The following GAS2 variants were observed in gnomAD, a reference collection of about 807,000 sequenced individuals.
The protein encoded by GAS2 is growth arrest-specific protein 2.
Under a neutral mutation model 37.5 loss-of-function variants are expected in GAS2, and 20 were observed. The observed-to-expected ratio is 0.53, with a 90% CI of 0.37 to 0.77. The LOEUF is 0.77. Among genes scored for constraint, GAS2 ranks in the 30% least tolerant of loss-of-function variants. GAS2 has a pLI of 0.00. For synonymous variants in GAS2, 144 were observed against 132.2 expected, an observed-to-expected ratio of 1.09 and a Z score of -0.61; for missense variants, 336 against 373.4, an observed-to-expected ratio of 0.90 and a Z score of 0.82.
At chr11:22,712,832 T>A (rs1243451587) in intron 3 of GAS2, among the ~76,000 whole-genome samples, 1 of 151,808 alleles carries the variant, frequency 6.6e-6, no homozygotes, top group East Asian at 1.9e-4. Context: ...ATTCCAGCAC[T>A]TTAGGAGGCC....
At chr11:22,685,566 G>T in intron 2 of GAS2, 102 bp from the exon 3 acceptor site, 2 of 1,270,460 alleles carry the variant, frequency 1.6e-6, no homozygotes, top group Non-Finnish European at 2.2e-6. Context: ...ATGTAACTCA[G>T]CTAGAATAGC....
chr11:22,714,927 G>A (rs1271615002), intron 3 of GAS2, among the ~76,000 whole-genome samples: 1 of 152,094 alleles, frequency 6.6e-6, no homozygotes, highest in East Asian at 1.9e-4. Context: ...AACACAAATA[G>A]ACAATCTATG....
intron 1 of GAS2, among the ~76,000 whole-genome samples, chr11:22,637,843 G>A (rs536606822): frequency 1.7e-3 from 246 of 149,006 alleles, no homozygotes; most frequent in Middle Eastern, 7.0e-3. Context: ...GAAGCCCAAA[G>A]CTGCCACAGA....
At chr11:22,775,538 T>C (rs1855214820) in intron 7 of GAS2, among the ~76,000 whole-genome samples, 1 of 152,180 alleles carries the variant, frequency 6.6e-6, no homozygotes, top group Admixed American at 6.5e-5. Context: ...TTTCTGCTTG[T>C]TAATGAGTGG....
intron 3 of GAS2, among the ~76,000 whole-genome samples, chr11:22,692,102 T>C (rs1424253431): frequency 6.6e-6 from 1 of 152,140 alleles, no homozygotes; most frequent in African/African-American, 2.4e-5. Context: ...AGCTTGACTT[T>C]TATTTTTCAA....
At chr11:22,773,794 A>T (rs889762140) in intron 7 of GAS2, among the ~76,000 whole-genome samples, 2 of 151,842 alleles carry the variant, frequency 1.3e-5, no homozygotes, top group African/African-American at 4.8e-5. Context: ...TTTCAACATG[A>T]TCTCCTTCCT....
At chr11:22,743,815 T>C (rs1229339547) in intron 5 of GAS2, among the ~76,000 whole-genome samples, 1 of 151,944 alleles carries the variant, frequency 6.6e-6, no homozygotes, top group East Asian at 1.9e-4. Flanking sequence ...CTGAAGAAAA[T>C]TGAGACCCCA....
chr11:22,754,427 G>A (rs1009987337), intron 6 of GAS2, among the ~76,000 whole-genome samples: 1 of 152,002 alleles, frequency 6.6e-6, no homozygotes, highest in African/African-American at 2.4e-5. Flanking sequence ...AAAGCCATAG[G>A]TTTATATGTC....
chr11:22,662,892 A>T (rs950759282), upstream of GAS2, among the ~76,000 whole-genome samples: 9 of 152,244 alleles, frequency 5.9e-5, no homozygotes, highest in African/African-American at 2.2e-4. Context: ...AAAAAAAAAA[A>T]AAATAAAAAT....
chr11:22,737,623 A>C, intron 4 of GAS2, 82 bp from the exon 5 acceptor site: 1 of 1,274,300 alleles, frequency 7.8e-7, no homozygotes, highest in Non-Finnish European at 1.1e-6. Context: ...AGCACGAGGA[A>C]TGAGGGTCAT....
intron 1 of GAS2, among the ~76,000 whole-genome samples, chr11:22,652,662 C>A (rs1050052462): frequency 1.3e-5 from 2 of 152,180 alleles, no homozygotes. Context: ...GCGCAGTATT[C>A]GGGTGGGAGT....
intron 1 of GAS2, among the ~76,000 whole-genome samples, chr11:22,637,133 A>T (rs1159624748): frequency 2.5e-5 from 3 of 119,996 alleles, no homozygotes; most frequent in Admixed American, 8.8e-5. Context: ...ACTTATATTA[A>T]TATTATATCA....
chr11:22,737,406 T>G (rs931742459), intron 4 of GAS2, among the ~76,000 whole-genome samples: 7 of 152,182 alleles, frequency 4.6e-5, no homozygotes, highest in Admixed American at 3.9e-4. Context: ...GTACCAGTAT[T>G]AATTAATTGA....
intron 3 of GAS2, among the ~76,000 whole-genome samples, chr11:22,714,493 A>T (rs1452015799): frequency 6.6e-6 from 1 of 152,186 alleles, no homozygotes; most frequent in Non-Finnish European, 1.5e-5. Flanking sequence ...ACAAAGAAAC[A>T]GTGGACTTAA....
intron 1 of GAS2, among the ~76,000 whole-genome samples, chr11:22,670,870 G>T (rs556594713): frequency 6.6e-6 from 1 of 151,966 alleles, no homozygotes; most frequent in African/African-American, 2.4e-5. Flanking sequence ...TCTCATAGCC[G>T]ACAGAAGTGT....
intron 2 of GAS2, among the ~76,000 whole-genome samples, chr11:22,678,064 T>C (rs1340754250): frequency 6.6e-6 from 1 of 152,188 alleles, no homozygotes; most frequent in Non-Finnish European, 1.5e-5. Context: ...AAAGGAATCC[T>C]AAAAGAATCT....
chr11:22,653,403 C>T (rs1030589361), intron 1 of GAS2, among the ~76,000 whole-genome samples: 7 of 152,106 alleles, frequency 4.6e-5, no homozygotes, highest in Admixed American at 2.6e-4. Flanking sequence ...AGCGCAGTGA[C>T]TAGTACATTT....
At chr11:22,714,576 T>A (rs1851570148) in intron 3 of GAS2, among the ~76,000 whole-genome samples, 1 of 152,164 alleles carries the variant, frequency 6.6e-6, no homozygotes, top group Non-Finnish European at 1.5e-5. Flanking sequence ...GAATAAAGAT[T>A]CTTTTCTTCA....
intron 4 of GAS2, among the ~76,000 whole-genome samples, chr11:22,737,485 G>A (rs536896531): frequency 4.6e-5 from 7 of 152,172 alleles, no homozygotes; most frequent in South Asian, 4.2e-4. Flanking sequence ...TTCCTGAGAC[G>A]AATAGCTTTC....
Sources: allele counts gnomAD v4.1 joint callset (sites outside exome capture counted in the v4.1 genomes callset), GRCh38; gene constraint gnomAD v4.1.1; transcripts MANE v1.5; gene names NCBI Gene and HGNC (gene_info 2026-07-23, HGNC 2026-07-21).